Variants in CYBB observed in about 807,000 individuals in gnomAD.
CYBB encodes the protein NADPH oxidase 2.
A neutral mutation model predicts 46.5 loss-of-function variants in CYBB; 5 were observed. That is an observed-to-expected ratio of 0.11 (90% CI 0.06 to 0.23). The LOEUF (loss-of-function observed/expected upper bound fraction) is 0.23. CYBB is among the 10% of genes least tolerant of loss of function. The probability of loss-of-function intolerance (pLI) is 1.00; values close to 1 mark genes in which losing one functional copy is unlikely to be tolerated. For missense variants in CYBB, 307 were observed against 428.3 expected, an observed-to-expected ratio of 0.72 and a Z score of 2.50; for synonymous variants, 183 against 156.7, an observed-to-expected ratio of 1.17 and a Z score of -1.26.
chrX:37,789,720 G>A (rs5964107), intron 3 of CYBB, among the ~76,000 whole-genome samples: 34,085 of 110,657 alleles, frequency 0.31, 5,890 homozygotes, highest in African/African-American at 0.68. Context: ...TCAGTAAAAT[G>A]TATTTTACAA....
In CYBB at chrX:37,793,817, C is replaced by T. The variant is rs200086928; in HGVS notation, c.483+7C>T. The T allele has an allele frequency of 2.5e-5, 30 of 1,193,640 alleles. No homozygotes were observed. Among genetic ancestry groups the T allele is most frequent in the Admixed American group, 2.2e-5 (1 of 45,351 alleles). ...TGCTCGAAAGAGAATAAAGGTAAGCCTCTCATTATCTGACTTAGATATTCT... is the reference window on the plus strand; with the variant it reads ...TGCTCGAAAGAGAATAAAGGTAAGCTTCTCATTATCTGACTTAGATATTCT... On this transcript the variant is annotated splice_region_variant and intron_variant, in intron 5 of 12. Transcript: ENST00000378588.
rs185531935 is a variant in CYBB, at chrX:37,786,468, A to G, written c.252+2868A>G. 2.7e-5 allele frequency among the ~76,000 whole-genome samples: 3 copies of G among 111,863 alleles called. No individual in the cohort carries two copies. In the East Asian group the frequency reaches 8.4e-4, roughly 31 times the overall value. Reference sequence around the variant, plus strand: ...AAATGACAAGGATGTTATAAATACAAGGACTTAATAGTAGGACACTATATA... The same window carrying G: ...AAATGACAAGGATGTTATAAATACAGGGACTTAATAGTAGGACACTATATA... On this transcript the variant is annotated intron_variant, in intron 3 of 12. Transcript: ENST00000378588.
chrX:37,789,526 A>AAAT (rs1929148588), intron 3 of CYBB, among the ~76,000 whole-genome samples: 1 of 104,279 alleles, frequency 9.6e-6, no homozygotes, highest in Non-Finnish European at 2.0e-5. Context: ...AGAAAGAAAG[A>AAAT]AAATAAATAA....
chrX:37,788,771 C>G (rs1929130725), intron 3 of CYBB, among the ~76,000 whole-genome samples: 1 of 111,517 alleles, frequency 9.0e-6, no homozygotes. Flanking sequence ...TTCTCATTCT[C>G]TGATTCTTTG....
rs1208394749 is a variant in CYBB, at chrX:37,813,257, A to G, written c.*2340A>G. The G allele has an allele frequency of 2.0e-5, 2 of 100,494 alleles. No individual in the cohort carries two copies. Among genetic ancestry groups the G allele is most frequent in the Non-Finnish European group, 4.0e-5 (2 of 50,597 alleles). 8.3% of individuals were successfully genotyped at this position (100,494 alleles called of 1,213,427 possible). On this transcript the variant is annotated 3_prime_UTR_variant, in exon 13 of 13. Coordinates refer to ENST00000378588, the MANE Select transcript of CYBB (RefSeq NM_000397.4). ...AGCACTTAGTATTTAGCATTTATTA[A>G]CAGGTACTCTAAGAATGATGAAGCA...
intron 10 of CYBB, among the ~76,000 whole-genome samples, chrX:37,805,568 A>G (rs1929542303): frequency 8.9e-6 from 1 of 111,804 alleles, no homozygotes; most frequent in Non-Finnish European, 1.9e-5. Context: ...ACATTATAGA[A>G]AGTGTTTTTC....
At chrX:37,783,931 A>G (rs868912082) in intron 3 of CYBB, among the ~76,000 whole-genome samples, 2 of 111,750 alleles carry the variant, frequency 1.8e-5, no homozygotes, top group Non-Finnish European at 3.8e-5. Flanking sequence ...TTGACATGTG[A>G]TATCTGGGAG....
chrX:37,782,807 TTAA>T (rs1312289268), intron 2 of CYBB, among the ~76,000 whole-genome samples: 2 of 111,359 alleles, frequency 1.8e-5, no homozygotes, highest in Non-Finnish European at 3.8e-5. Context: ...TTGCTTAATA[TTAA>T]TTATTATAAG....
At chrX:37,806,304 GGT>G (rs1929558804) in intron 10 of CYBB, 81 bp from the exon 11 acceptor site, 1 of 1,018,283 alleles carries the variant, frequency 9.8e-7, no homozygotes, top group African/African-American at 1.9e-5. Flanking sequence ...AAAAAGTTTA[GGT>G]GACAGAAAGT....
At chrX:37,799,244 G>C (rs1929385851) in intron 7 of CYBB, among the ~76,000 whole-genome samples, 160 bp downstream of exon 7, 1 of 112,054 alleles carries the variant, frequency 8.9e-6, no homozygotes, top group Non-Finnish European at 1.9e-5. Context: ...ATACTTATTG[G>C]ATAGAATTGT....
At chrX:37,787,392 C>T (rs1272224566) in intron 3 of CYBB, among the ~76,000 whole-genome samples, 2 of 111,715 alleles carry the variant, frequency 1.8e-5, no homozygotes, top group African/African-American at 6.5e-5. Flanking sequence ...GTGTTACACC[C>T]CATAAAATAT....
At chrX:37,810,728 TA>T in intron 12 of CYBB, 62 bp from the exon 13 acceptor site, 1 of 1,153,738 alleles carries the variant, frequency 8.7e-7, no homozygotes, top group Non-Finnish European at 1.2e-6. Flanking sequence ...GAAATTCACC[TA>T]CCTGCTTTGT....
chrX:37,789,702 A>G (rs1929154842), intron 3 of CYBB, among the ~76,000 whole-genome samples: 1 of 111,863 alleles, frequency 8.9e-6, no homozygotes, highest in African/African-American at 3.2e-5. Flanking sequence ...CAACTTTTCA[A>G]CAACAGATCA....
chrX:37,802,061 A>G (rs994938669), intron 8 of CYBB, among the ~76,000 whole-genome samples: 1 of 112,122 alleles, frequency 8.9e-6, no homozygotes, highest in Non-Finnish European at 1.9e-5. Flanking sequence ...TATCTTTATC[A>G]AATAAAATTT....
chrX:37,806,945 A>G (rs1169381122), intron 11 of CYBB, among the ~76,000 whole-genome samples: 1 of 109,828 alleles, frequency 9.1e-6, no homozygotes, highest in Non-Finnish European at 1.9e-5. Context: ...CAACTTAATA[A>G]TGGTTCAACT....
chrX:37,780,272 G>C (rs782671084), intron 1 of CYBB, 150 bp downstream of exon 1: 1 of 495,236 alleles, frequency 2.0e-6, no homozygotes, highest in South Asian at 3.2e-5. Context: ...AACAGACTGA[G>C]TCCATTCTTC....
chrX:37,789,923 C>T (rs1333925771), intron 3 of CYBB, among the ~76,000 whole-genome samples: 1 of 111,384 alleles, frequency 9.0e-6, no homozygotes, highest in Non-Finnish European at 1.9e-5. Context: ...CGACAACTGC[C>T]CTTTGCAAGC....
At chrX:37,797,992 A>T (rs941125665) in intron 6 of CYBB, among the ~76,000 whole-genome samples, 2 of 112,035 alleles carry the variant, frequency 1.8e-5, no homozygotes, top group Non-Finnish European at 3.8e-5. Context: ...ACTTTCCCCA[A>T]GCCTGGCACA....
chrX:37,808,829 T>G (rs1372523171), intron 11 of CYBB, among the ~76,000 whole-genome samples: 1 of 112,710 alleles, frequency 8.9e-6, no homozygotes, highest in Non-Finnish European at 1.9e-5. Context: ...GTAATTATTT[T>G]GCTTTGCAAA....
Sources: allele counts gnomAD v4.1 joint callset (sites outside exome capture counted in the v4.1 genomes callset), GRCh38; gene constraint gnomAD v4.1.1; transcripts MANE v1.5; gene names NCBI Gene and HGNC (gene_info 2026-07-23, HGNC 2026-07-21).